The following RPTOR variants were observed in gnomAD, a reference collection of about 807,000 sequenced individuals.
RPTOR encodes regulatory associated protein of MTOR complex 1.
RPTOR carries 21 observed loss-of-function variants against 169.9 expected under a neutral mutation model. That is an observed-to-expected ratio of 0.12 (90% confidence interval 0.09 to 0.18). The LOEUF (loss-of-function observed/expected upper bound fraction) is 0.18. RPTOR is among the 10% of genes least tolerant of loss of function. The probability of loss-of-function intolerance (pLI) is 1.00; values close to 1 mark genes in which losing one functional copy is unlikely to be tolerated. For synonymous variants in RPTOR, 732 were observed against 753.2 expected (o/e 0.97, Z 0.46); for missense variants, 1,133 against 1,855.9 (o/e 0.61, Z 7.16).
chr17:80,597,570 C>G (rs1412352925), intron 1 of RPTOR, among the ~76,000 whole-genome samples: 2 of 152,086 alleles, frequency 1.3e-5, no homozygotes, highest in African/African-American at 4.8e-5. Context: ...TACCCTGTTG[C>G]CCAGGCTGGA....
At chr17:80,835,091 G>A (rs543079970) in intron 9 of RPTOR, among the ~76,000 whole-genome samples, 1 of 152,222 alleles carries the variant, frequency 6.6e-6, no homozygotes, top group East Asian at 1.9e-4. Context: ...TTTATTGCAC[G>A]TACTTTGAGG....
chr17:80,829,370 G>A (rs1406710583), intron 9 of RPTOR, among the ~76,000 whole-genome samples: 2 of 152,214 alleles, frequency 1.3e-5, no homozygotes, highest in East Asian at 1.9e-4. Context: ...CAGTCCAACC[G>A]GGGCTCTGCG....
At position 80,869,491 on chromosome 17, in the gene RPTOR, A is replaced by G. The variant is rs563220456; in HGVS notation, c.1510-10924A>G. ...ATTTTTAATTCAAGAAACACCCCCA[A>G]AAATGTGGGGGGATTTATTCTCAAG... On this transcript the variant is annotated intron_variant, in intron 13 of 33. Coordinates refer to ENST00000306801, the MANE Select transcript of RPTOR (RefSeq NM_020761.3). 3.9e-5 allele frequency among the ~76,000 whole-genome samples: 6 copies of G among 152,152 alleles called. No homozygotes were observed. The South Asian group carries it at 6.2e-4, about 16-fold the overall frequency.
At chr17:80,893,261 C>T (rs2333986) in intron 19 of RPTOR, among the ~76,000 whole-genome samples, 40,257 of 147,576 alleles carry the variant, frequency 0.27, 5,633 homozygotes, top group South Asian at 0.47. Context: ...AGGGTGTGTG[C>T]GCCAGGGTGC....
At chr17:80,612,339 C>T (rs2065277584) in intron 1 of RPTOR, among the ~76,000 whole-genome samples, 1 of 152,060 alleles carries the variant, frequency 6.6e-6, no homozygotes, top group Non-Finnish European at 1.5e-5. Flanking sequence ...CTGTGTTGCC[C>T]AGGCTGGTCT....
chr17:80,561,000 A>G (rs1350094026), intron 1 of RPTOR, among the ~76,000 whole-genome samples: 1 of 152,144 alleles, frequency 6.6e-6, no homozygotes, highest in African/African-American at 2.4e-5. Flanking sequence ...GGCCACAGGA[A>G]TTTGGATTTT....
intron 19 of RPTOR, 121 bp downstream of exon 19, chr17:80,892,990 T>G: frequency 8.3e-7 from 1 of 1,203,126 alleles, no homozygotes; most frequent in Non-Finnish European, 1.2e-6. Flanking sequence ...TGCCCTGAAG[T>G]CCCATCTGCC....
intron 1 of RPTOR, chr17:80,602,821 C>T: frequency 3.1e-6 from 2 of 653,038 alleles, no homozygotes; most frequent in South Asian, 3.1e-5. Flanking sequence ...ATGAAGCCCA[C>T]TCCGTGGACG....
At position 80,883,992 on chromosome 17, in the gene RPTOR, A is replaced by G. The variant is rs1362640743; in HGVS notation, c.1842+20A>G. 1.2e-6 allele frequency: 2 copies of G among 1,600,320 alleles called. No individual in the cohort carries two copies. Among genetic ancestry groups the G allele is most frequent in the East Asian group, 4.5e-5 (2 of 44,638 alleles). On this transcript the variant is annotated intron_variant, in intron 16 of 33. Transcript: ENST00000306801. ...CCCGAGGTGAGTCAGGCGGGGGCTC[A>G]GAGTCCAGTCCTCCTGGCTGCCGAC...
At chr17:80,602,169 T>C (rs1219991111) in intron 1 of RPTOR, among the ~76,000 whole-genome samples, 2 of 64,640 alleles carry the variant, frequency 3.1e-5, no homozygotes, top group African/African-American at 1.4e-4. Context: ...CCTCACCTCC[T>C]GGGCAGGGCG....
chr17:80,812,810 T>G (rs2067286763), intron 7 of RPTOR, among the ~76,000 whole-genome samples: 1 of 152,290 alleles, frequency 6.6e-6, no homozygotes, highest in African/African-American at 2.4e-5. Context: ...GAGCCCGTGC[T>G]GTTCTCAAAA....
chr17:80,566,026 T>C (rs551286211), intron 1 of RPTOR, among the ~76,000 whole-genome samples: 22 of 152,250 alleles, frequency 1.4e-4, no homozygotes, highest in Admixed American at 2.6e-4. Flanking sequence ...ACTTGAAGAA[T>C]TGAAGAGGCA....
intron 3 of RPTOR, among the ~76,000 whole-genome samples, chr17:80,661,359 C>T (rs1199879578): frequency 6.6e-6 from 1 of 151,400 alleles, no homozygotes; most frequent in East Asian, 1.9e-4. Context: ...GCCGGAGAGG[C>T]AGAGGTGGAG....
chr17:80,848,627 C>T (rs1417358311), intron 11 of RPTOR, among the ~76,000 whole-genome samples: 6 of 152,246 alleles, frequency 3.9e-5, no homozygotes, highest in South Asian at 2.1e-4. Context: ...CATGCTGGGC[C>T]CCACGGCTCC....
Position 80,823,102 on chromosome 17 carries a change from C to T in RPTOR, c.1015C>T (p.Gln339Ter). 1 of 1,614,174 alleles carries T rather than the reference C, an allele frequency of 6.2e-7. No homozygotes were observed. The highest frequency in any genetic ancestry group is 8.5e-7 in the Non-Finnish European group (1 of 1,180,036). ...PRDLFQKLFR[Q>*]DLLVASLFRN... The stretch of plus-strand genomic sequence containing the variant: ...AGATCTCTTCCAAAAGCTCTTCAGA[C>T]AGGACTTGCTGGTGGCTAGTCTGTT... Residue 339 changes from glutamine (Q) to a stop codon, truncating the protein, a stop_gained, in exon 9 of 34, where the codon CAG becomes TAG. Coordinates refer to ENST00000306801, the MANE Select transcript of RPTOR (RefSeq NM_020761.3). LOFTEE classifies it high-confidence loss of function. The surrounding 1 kb of genome is among the most constrained non-coding windows in gnomAD (Gnocchi z 4.5).
chr17:80,962,813 GAGCCAGCCTGTCCCCGTGGTCT>G, intron 32 of RPTOR, 93 bp from the exon 33 acceptor site: 2 of 1,528,720 alleles, frequency 1.3e-6, no homozygotes, highest in Non-Finnish European at 1.8e-6. Flanking sequence ...CACCTGCCCC[GAGCCAGCCTGTCCCCGTGGTCT>G]AGCCGGCCTG....
intron 1 of RPTOR, among the ~76,000 whole-genome samples, chr17:80,568,129 G>A (rs762219981): frequency 2.6e-5 from 4 of 151,880 alleles, no homozygotes; most frequent in Non-Finnish European, 5.9e-5. Flanking sequence ...GGCTGGTCTC[G>A]AACTCCTGGC....
intron 24 of RPTOR, among the ~76,000 whole-genome samples, chr17:80,934,671 A>G (rs1357757587): frequency 6.6e-6 from 1 of 152,204 alleles, no homozygotes; most frequent in Non-Finnish European, 1.5e-5. Context: ...TGAGTTTTTA[A>G]CTAAAAACTC....
intron 5 of RPTOR, chr17:80,743,465 C>T (rs936185908): frequency 9.6e-5 from 95 of 985,190 alleles, no homozygotes; most frequent in Middle Eastern, 5.2e-4. Context: ...CAGGAGAACA[C>T]GTGACCCACT....
Sources: gnomAD v4.1 joint callset for allele counts (sites outside exome capture counted in the v4.1 genomes callset) on GRCh38, gnomAD v4.1.1 for gene constraint, Gnocchi (gnomAD v3.1) non-coding constraint, MANE v1.5 for transcripts, NCBI Gene and HGNC (gene_info 2026-07-23, HGNC 2026-07-21) for gene names.